ZNF277: variants seen among roughly 807,000 people sequenced by gnomAD.
ZNF277 encodes the protein zinc finger protein 277.
ZNF277 carries 55 observed loss-of-function variants against 60.7 expected under a neutral mutation model. That is an observed-to-expected ratio of 0.91 (90% CI 0.73 to 1.13). The LOEUF (loss-of-function observed/expected upper bound fraction) is 1.13. Among genes scored for constraint, ZNF277 ranks in the 50% most tolerant of loss-of-function variants. The probability of loss-of-function intolerance (pLI) is 0.00; values close to 1 mark genes in which losing one functional copy is unlikely to be tolerated. For missense variants in ZNF277, 510 were observed against 523.0 expected (o/e 0.98, Z 0.24); for synonymous variants, 178 against 179.3 (o/e 0.99, Z 0.06).
chr7:112,256,695 C>T (rs1299151356), intron 1 of ZNF277, among the ~76,000 whole-genome samples: 2 of 152,116 alleles, frequency 1.3e-5, no homozygotes, highest in Non-Finnish European at 2.9e-5. Context: ...ATATACCCAC[C>T]TCAGCCTCCC....
chr7:112,325,342 A>C (rs1367191193), intron 5 of ZNF277, among the ~76,000 whole-genome samples: 1 of 151,764 alleles, frequency 6.6e-6, no homozygotes, highest in Non-Finnish European at 1.5e-5. Flanking sequence ...AACCCCACCA[A>C]CCCTCTTCCT....
chr7:112,320,894 A>G (rs1456408952), intron 5 of ZNF277, among the ~76,000 whole-genome samples: 1 of 118,112 alleles, frequency 8.5e-6, no homozygotes, highest in Non-Finnish European at 1.8e-5. Context: ...CTAGTGTATG[A>G]TTTTTAGTTC....
chr7:112,208,638 AC>A (rs1269600312), intron 1 of ZNF277, among the ~76,000 whole-genome samples: 21 of 131,440 alleles, frequency 1.6e-4, no homozygotes, highest in Non-Finnish European at 3.2e-4. Context: ...CTGTTAAACC[AC>A]CATATTCTTA....
intron 1 of ZNF277, among the ~76,000 whole-genome samples, chr7:112,252,847 G>A (rs530919984): frequency 1.3e-5 from 2 of 152,282 alleles, no homozygotes; most frequent in South Asian, 4.1e-4. Flanking sequence ...TAGTCAGTGA[G>A]TAAATAAACA....
chr7:112,268,596 A>G (rs1176260800), intron 1 of ZNF277, among the ~76,000 whole-genome samples: 1 of 151,514 alleles, frequency 6.6e-6, no homozygotes, highest in Admixed American at 6.6e-5. Context: ...AAGTACAAAA[A>G]AAGTGTATAG....
chr7:112,258,358 T>G (rs927608477), intron 1 of ZNF277, among the ~76,000 whole-genome samples: 33 of 151,314 alleles, frequency 2.2e-4, no homozygotes, highest in African/African-American at 7.9e-4. Context: ...GAATTTCAAA[T>G]AAACACTTCT....
chr7:112,238,552 G>A (rs1790862935), intron 1 of ZNF277, among the ~76,000 whole-genome samples: 1 of 152,064 alleles, frequency 6.6e-6, no homozygotes, highest in African/African-American at 2.4e-5. Flanking sequence ...AGGTACATGT[G>A]ACCCACTGAG....
chr7:112,234,623 A>T (rs1357440053), intron 1 of ZNF277, among the ~76,000 whole-genome samples: 1 of 152,196 alleles, frequency 6.6e-6, no homozygotes, highest in African/African-American at 2.4e-5. Flanking sequence ...ACTAATTTAC[A>T]CTGCAAGCAA....
intron 1 of ZNF277, among the ~76,000 whole-genome samples, chr7:112,227,422 T>C (rs765885706): frequency 6.6e-6 from 1 of 152,192 alleles, no homozygotes; most frequent in Non-Finnish European, 1.5e-5. Context: ...AGGAGATTTA[T>C]GGACAGAAAA....
chr7:112,287,416 C>T (rs1458683069), intron 2 of ZNF277: 1 of 180,368 alleles, frequency 5.5e-6, no homozygotes, highest in Non-Finnish European at 1.1e-5. Flanking sequence ...AAAGGAGTGA[C>T]ATAATCTATA....
chr7:112,206,776 C>G lies in ZNF277; in HGVS notation c.60C>G (p.Ser20Arg). 6.2e-7 allele frequency: 1 copy of G among 1,613,352 alleles called. No homozygotes were observed. The highest frequency in any genetic ancestry group is 8.5e-7 in the Non-Finnish European group (1 of 1,179,714). ...VARMQEDRDG[S>R]CSTVGGVGYG... ...GAATGCAGGAAGACCGTGATGGGAGCTGCAGCACAGTCGGGGGTGTAGGTT... is the reference window on the plus strand; with the variant it reads ...GAATGCAGGAAGACCGTGATGGGAGGTGCAGCACAGTCGGGGGTGTAGGTT... Residue 20 changes from serine (S) to arginine (R), a missense_variant, in exon 1 of 12, where the codon AGC (serine) becomes AGG (arginine). Transcript: ENST00000361822.
chr7:112,283,975 T>C (rs957922194), intron 1 of ZNF277, among the ~76,000 whole-genome samples: 5 of 152,148 alleles, frequency 3.3e-5, no homozygotes, highest in Admixed American at 3.3e-4. Context: ...GAAGAAACAG[T>C]TGGAGAAATG....
chr7:112,291,674 A>G (rs1366135084), intron 2 of ZNF277, among the ~76,000 whole-genome samples: 2 of 152,176 alleles, frequency 1.3e-5, no homozygotes, highest in Non-Finnish European at 2.9e-5. Context: ...TCTTTATTCT[A>G]TCACTCAGTT....
intron 2 of ZNF277, among the ~76,000 whole-genome samples, chr7:112,292,336 C>A (rs893692467): frequency 2.0e-5 from 3 of 152,140 alleles, no homozygotes; most frequent in Admixed American, 2.0e-4. Flanking sequence ...TCCAAAACAG[C>A]CCCAAACAGT....
chr7:112,232,058 T>C (rs1335259058), intron 1 of ZNF277, among the ~76,000 whole-genome samples: 1 of 22,698 alleles, frequency 4.4e-5, no homozygotes. Flanking sequence ...TATATATATA[T>C]ATATATATAT....
intron 4 of ZNF277, among the ~76,000 whole-genome samples, chr7:112,306,957 A>T (rs1490674312): frequency 6.6e-6 from 1 of 152,008 alleles, no homozygotes; most frequent in East Asian, 1.9e-4. Flanking sequence ...CGTTGAGAAG[A>T]AAAACTCAGG....
At chr7:112,206,899 T>C in intron 1 of ZNF277, 92 bp downstream of exon 1, 3 of 1,320,328 alleles carry the variant, frequency 2.3e-6, no homozygotes, top group Non-Finnish European at 3.1e-6. Context: ...CTAGGAGCCC[T>C]TCAGCTCTGG....
At chr7:112,252,993 A>G (rs1299775296) in intron 1 of ZNF277, among the ~76,000 whole-genome samples, 2 of 152,196 alleles carry the variant, frequency 1.3e-5, no homozygotes, top group African/African-American at 4.8e-5. Context: ...GCAGGCCTAT[A>G]AACAGGCAAA....
intron 1 of ZNF277, among the ~76,000 whole-genome samples, chr7:112,208,963 G>A (rs1821662123): frequency 6.6e-6 from 1 of 152,126 alleles, no homozygotes; most frequent in African/African-American, 2.4e-5. Flanking sequence ...ACAGGCGTAA[G>A]CCACCGCGCC....
Sources: allele counts gnomAD v4.1 joint callset (sites outside exome capture counted in the v4.1 genomes callset), GRCh38; gene constraint gnomAD v4.1.1; transcripts MANE v1.5; gene names NCBI Gene and HGNC (gene_info 2026-07-23, HGNC 2026-07-21).